Variants in KIAA0232 observed in about 807,000 individuals in gnomAD.
The protein encoded by KIAA0232 is uncharacterized protein KIAA0232.
In KIAA0232, 27 loss-of-function variants were observed where a neutral mutation model predicts 122.0. That is an observed-to-expected ratio of 0.22 (90% CI 0.16 to 0.31). The LOEUF (loss-of-function observed/expected upper bound fraction) is 0.31, where lower values mean the gene tolerates loss of function less well. KIAA0232 is among the 10% of genes least tolerant of loss of function. The pLI, the probability that KIAA0232 is intolerant of heterozygous loss-of-function variation, is 1.00. For synonymous variants in KIAA0232, 613 were observed against 587.6 expected (o/e 1.04, Z -0.63); for missense variants, 1,551 against 1,634.2 (o/e 0.95, Z 0.88).
intron 3 of KIAA0232, among the ~76,000 whole-genome samples, chr4:6,837,479 G>A (rs1013169902): frequency 2.6e-5 from 4 of 152,240 alleles, no homozygotes; most frequent in East Asian, 3.9e-4. Flanking sequence ...ATGGGCGGCT[G>A]GGCAGAGACG....
intron 2 of KIAA0232, among the ~76,000 whole-genome samples, chr4:6,807,828 C>T (rs528024309): frequency 6.6e-6 from 1 of 152,308 alleles, no homozygotes; most frequent in African/African-American, 2.4e-5. Flanking sequence ...AATCCCAGCA[C>T]TTTGGGAGGC....
intron 2 of KIAA0232, among the ~76,000 whole-genome samples, chr4:6,812,623 T>C (rs1244592015): frequency 1.3e-5 from 2 of 152,212 alleles, no homozygotes; most frequent in Admixed American, 1.3e-4. Flanking sequence ...AAAAATACTT[T>C]AAAACTTTGC....
intron 1 of KIAA0232, among the ~76,000 whole-genome samples, chr4:6,795,649 G>A (rs182390801): frequency 1.3e-5 from 2 of 152,300 alleles, no homozygotes; most frequent in African/African-American, 4.8e-5. Flanking sequence ...CTGGAGTGCG[G>A]TGGTACATTC....
chr4:6,784,561 G>C (rs751448941), intron 1 of KIAA0232, among the ~76,000 whole-genome samples: 1 of 152,134 alleles, frequency 6.6e-6, no homozygotes, highest in Non-Finnish European at 1.5e-5. Context: ...CCTTATGACA[G>C]AACCTATTTC....
intron 3 of KIAA0232, among the ~76,000 whole-genome samples, chr4:6,835,041 A>G (rs1055517543): frequency 6.6e-6 from 1 of 152,192 alleles, no homozygotes; most frequent in African/African-American, 2.4e-5. Context: ...AAAGTCACTC[A>G]TTGGTACTCA....
intron 1 of KIAA0232, among the ~76,000 whole-genome samples, chr4:6,796,686 T>C (rs534055620): frequency 1.4e-4 from 21 of 152,266 alleles, no homozygotes; most frequent in East Asian, 3.8e-4. Context: ...GTGACTCTTA[T>C]GGCCCTTAAA....
chr4:6,881,123 A>G lies in KIAA0232; in HGVS notation c.*157A>G, dbSNP rs1722054185. On this transcript the variant is annotated 3_prime_UTR_variant, in exon 10 of 10. Coordinates refer to ENST00000307659, the MANE Select transcript of KIAA0232 (RefSeq NM_014743.3). ...ATCTTTCTCTTCTTGCTTATTTTAG[A>G]GTTGAGGACAGCTATCCTGTTAAAG... 2 of 549,034 alleles carry G rather than the reference A, an allele frequency of 3.6e-6. No individual in the cohort carries two copies. Among genetic ancestry groups the G allele is most frequent in the Non-Finnish European group, 5.9e-6 (2 of 341,096 alleles). The allele number at this position is 549,034 out of a possible 1,614,324, so 34.0% of individuals were successfully genotyped here.
At chr4:6,820,137 A>C (rs1440255777) in intron 2 of KIAA0232, among the ~76,000 whole-genome samples, 1 of 152,132 alleles carries the variant, frequency 6.6e-6, no homozygotes, top group Non-Finnish European at 1.5e-5. Flanking sequence ...TGAAAAAACT[A>C]ACTGTTGGGT....
intron 2 of KIAA0232, among the ~76,000 whole-genome samples, chr4:6,806,063 C>T (rs534398824): frequency 6.6e-6 from 1 of 152,112 alleles, no homozygotes; most frequent in African/African-American, 2.4e-5. Flanking sequence ...TTTCCTCTTC[C>T]CCTTGGGCCC....
At position 6,867,382 on chromosome 4, in the gene KIAA0232, A is replaced by G. The variant is rs570725550; in HGVS notation, c.3801+3199A>G. Among the ~76,000 whole-genome samples the G allele has an allele frequency of 1.5e-3, 232 of 152,324 alleles. 1 individual carries two copies. Among genetic ancestry groups the G allele is most frequent in the Admixed American group, 3.2e-3 (49 of 15,300 alleles). The stretch of plus-strand genomic sequence containing the variant: ...CAGAAGCAAGGGTAAAGAGATTTGA[A>G]TCTGCTGATGTGTGCAGGGCAGCTG... On this transcript the variant is annotated intron_variant, in intron 7 of 9. Coordinates refer to ENST00000307659, the MANE Select transcript of KIAA0232 (RefSeq NM_014743.3).
At chr4:6,790,141 T>A (rs543399104) in intron 1 of KIAA0232, among the ~76,000 whole-genome samples, 3 of 152,342 alleles carry the variant, frequency 2.0e-5, no homozygotes, top group Non-Finnish European at 1.5e-5. Flanking sequence ...TAATATACAT[T>A]AAGCAGTAGA....
At chr4:6,866,719 T>A (rs1394470580) in intron 7 of KIAA0232, among the ~76,000 whole-genome samples, 1 of 152,132 alleles carries the variant, frequency 6.6e-6, no homozygotes, top group Non-Finnish European at 1.5e-5. Context: ...ATGAAAATAA[T>A]ATGATTATTT....
chr4:6,819,627 AG>A (rs1036203584), intron 2 of KIAA0232, among the ~76,000 whole-genome samples: 1 of 152,220 alleles, frequency 6.6e-6, no homozygotes, highest in African/African-American at 2.4e-5. Context: ...TGCAGAGAAA[AG>A]GGAACACTCA....
chr4:6,814,633 G>C (rs1203642014), intron 2 of KIAA0232, among the ~76,000 whole-genome samples: 1 of 152,056 alleles, frequency 6.6e-6, no homozygotes, highest in African/African-American at 2.4e-5. Flanking sequence ...GAGGTTGAAA[G>C]GTAGGAAGAG....
rs934402072 is a variant in KIAA0232 at position 6,880,678 on chromosome 4, A to G, written c.4009-109A>G. The G allele has an allele frequency of 1.7e-5, 13 of 751,506 alleles. 1 individual carries two copies. Among genetic ancestry groups the G allele is most frequent in the African/African-American group, 7.3e-5 (4 of 54,734 alleles). 46.6% of individuals were successfully genotyped at this position (751,506 alleles called of 1,614,324 possible). A position where few individuals can be genotyped will look rare whatever the true frequency, so the allele number is the denominator to read the frequency against. Reference sequence around the variant, plus strand: ...AAACTCTGCATGTTTGTAACTCCACAGGAAAACACTGATGATTTATTATTT... The same window carrying G: ...AAACTCTGCATGTTTGTAACTCCACGGGAAAACACTGATGATTTATTATTT... On this transcript the variant is annotated intron_variant, in intron 9 of 9. Coordinates refer to ENST00000307659, the MANE Select transcript of KIAA0232 (RefSeq NM_014743.3).
chr4:6,871,529 C>G (rs768686575), intron 7 of KIAA0232, 45 bp from the exon 8 acceptor site: 1 of 1,120,980 alleles, frequency 8.9e-7, no homozygotes, highest in African/African-American at 1.6e-5. Context: ...TTCCTCTAAC[C>G]TGAAAGTTTA....
chr4:6,842,668 C>T (rs1719725908), intron 4 of KIAA0232, among the ~76,000 whole-genome samples: 1 of 151,688 alleles, frequency 6.6e-6, no homozygotes, highest in Non-Finnish European at 1.5e-5. Flanking sequence ...TTACTGCAAC[C>T]TCTGCCTCCC....
chr4:6,838,045 C>T (rs1280092292), intron 3 of KIAA0232, among the ~76,000 whole-genome samples: 1 of 152,030 alleles, frequency 6.6e-6, no homozygotes, highest in Non-Finnish European at 1.5e-5. Context: ...CAAAAATTTA[C>T]TCCCATTCTG....
intron 8 of KIAA0232, among the ~76,000 whole-genome samples, chr4:6,875,456 G>A (rs942312837): frequency 1.3e-5 from 2 of 152,244 alleles, no homozygotes; most frequent in African/African-American, 4.8e-5. Context: ...TGGAGTTCTT[G>A]GAGCCGTCAG....
Sources: allele counts gnomAD v4.1 joint callset (sites outside exome capture counted in the v4.1 genomes callset), GRCh38; gene constraint gnomAD v4.1.1; transcripts MANE v1.5; gene names NCBI Gene and HGNC (gene_info 2026-07-23, HGNC 2026-07-21).